Variants in INSC observed in about 807,000 individuals in gnomAD.
The protein encoded by INSC is INSC spindle orientation adaptor protein.
In INSC, 67 loss-of-function variants were observed where a neutral mutation model predicts 58.6. The observed-to-expected ratio is 1.14, with a 90% CI of 0.94 to 1.40. INSC has a LOEUF of 1.40. Among genes scored for constraint, INSC ranks in the 40% most tolerant of loss-of-function variants. The pLI, the probability that INSC is intolerant of heterozygous loss-of-function variation, is 0.00. For missense variants in INSC, 714 were observed against 692.0 expected, an observed-to-expected ratio of 1.03 and a Z score of -0.36; for synonymous variants, 262 against 276.1, an observed-to-expected ratio of 0.95 and a Z score of 0.51.
chr11:15,229,962 A>AATAT (rs1347220887), intron 9 of INSC, among the ~76,000 whole-genome samples: 4 of 28,232 alleles, frequency 1.4e-4, no homozygotes, highest in African/African-American at 6.7e-4. Context: ...ATATATATTT[A>AATAT]TATATATATA....
At chr11:15,179,540 G>A (rs933141069) in intron 5 of INSC, among the ~76,000 whole-genome samples, 7 of 152,174 alleles carry the variant, frequency 4.6e-5, no homozygotes, top group Non-Finnish European at 1.0e-4. Flanking sequence ...TGACTGACAT[G>A]CTGGTCCTGC....
intron 6 of INSC, among the ~76,000 whole-genome samples, chr11:15,191,752 G>A (rs954915442): frequency 7.2e-5 from 11 of 152,118 alleles, no homozygotes; most frequent in Admixed American, 1.3e-4. Flanking sequence ...CCACCAACTC[G>A]GAGGTTTGTT....
At chr11:15,257,029 CTT>C in the INSC span, among the ~76,000 whole-genome samples, 1 of 152,162 alleles carries the variant, frequency 6.6e-6, no homozygotes, top group African/African-American at 2.4e-5. Context: ...TCTTATTTCT[CTT>C]GTTATTTAAT....
chr11:15,225,579 G>T, intron 8 of INSC, 71 bp from the exon 9 acceptor site: 28 of 1,469,762 alleles, frequency 1.9e-5, no homozygotes, highest in Non-Finnish European at 2.6e-5. Context: ...GAGGTATTGT[G>T]TGAACCAAAT....
chr11:15,128,727 G>T (rs1425111185), intron 1 of INSC, among the ~76,000 whole-genome samples: 1 of 152,152 alleles, frequency 6.6e-6, no homozygotes, highest in Non-Finnish European at 1.5e-5. Flanking sequence ...TCTTAGTCTG[G>T]GGTAGCCCTC....
intron 5 of INSC, among the ~76,000 whole-genome samples, chr11:15,180,686 G>GC (rs779831186): frequency 2.5e-4 from 23 of 91,076 alleles, no homozygotes; most frequent in Non-Finnish European, 4.2e-4. Flanking sequence ...TAGGAGTGAG[G>GC]GGGGGGGCGG....
In INSC at chr11:15,188,301, C is replaced by T. The variant is rs1850047013; in HGVS notation, c.580-2400C>T. 6.1e-6 allele frequency: 6 copies of T among 985,342 alleles called. No individual in the cohort carries two copies. In the South Asian group the frequency reaches 2.3e-4, roughly 39 times the overall value. The allele number at this position is 985,342 out of a possible 1,614,324, so 61.0% of individuals were successfully genotyped here. A position where few individuals can be genotyped will look rare whatever the true frequency, so the allele number is the denominator to read the frequency against. ...ACTTGCTAATGAGGCTGGACAACAG[C>T]CTTGCCTTGAGGCTTCAATCTCCAC... On this transcript the variant is annotated intron_variant, in intron 5 of 12. Transcript: ENST00000379556.
chr11:15,205,011 T>C lies in INSC; in HGVS notation c.819+4062T>C, dbSNP rs555960778. Among the ~76,000 whole-genome samples, 77 of 152,302 alleles carry C rather than the reference T, an allele frequency of 5.1e-4. No homozygotes were observed. In the South Asian group the frequency reaches 0.015, roughly 30 times the overall value. On this transcript the variant is annotated intron_variant, in intron 7 of 12. Transcript: ENST00000379556. The stretch of plus-strand genomic sequence containing the variant: ...TGGGTTTGGGGGACTTTTGTGGTCA[T>C]AGATTCAGTCATGGTCTCATTCATT...
chr11:15,112,504 G>A (rs760307862), upstream of INSC: 7 of 1,612,768 alleles, frequency 4.3e-6, no homozygotes, highest in South Asian at 5.5e-5. Context: ...GAGGCGGCCA[G>A]CGAAGGTCCA....
At chr11:15,112,636 GTATTGGGAAGT>G (rs1847595362), upstream of INSC, 1 of 224,498 alleles carries the variant, frequency 4.5e-6, no homozygotes, top group Non-Finnish European at 7.0e-6. Context: ...GTGTGTGTGT[GTATTGGGAAGT>G]GGGGGGGGGG....
intron 7 of INSC, among the ~76,000 whole-genome samples, chr11:15,214,624 A>G (rs1156547669): frequency 6.6e-6 from 1 of 152,210 alleles, no homozygotes; most frequent in East Asian, 1.9e-4. Flanking sequence ...TTTGCTGTAC[A>G]CTTTGGGTTC....
chr11:15,133,479 C>CCTAT (rs1403237847), intron 1 of INSC, among the ~76,000 whole-genome samples: 1 of 152,194 alleles, frequency 6.6e-6, no homozygotes, highest in African/African-American at 2.4e-5. Context: ...AGGCCACAAG[C>CCTAT]CTATCTGAGG....
intron 6 of INSC, among the ~76,000 whole-genome samples, chr11:15,193,165 A>G (rs576004658): frequency 2.6e-4 from 40 of 152,352 alleles, no homozygotes; most frequent in Non-Finnish European, 8.8e-5. Context: ...CCAGAAGCTT[A>G]TGGAATTATT....
Position 15,139,009 on chromosome 11 carries a change from T to C in INSC, c.-45-10121T>C, listed in dbSNP as rs573715946. Among the ~76,000 whole-genome samples the C allele has an allele frequency of 2.6e-5, 4 of 152,346 alleles. No homozygotes were observed. The East Asian group carries it at 7.7e-4, about 29-fold the overall frequency. On this transcript the variant is annotated intron_variant, in intron 1 of 12. Transcript: ENST00000379556. ...AAGATTGGATTATCATGGTTGTTGA[T>C]GCAATGCTGTCATTTGCTCAAGGCT... is the stretch of plus-strand genomic sequence containing the variant.
intron 12 of INSC, chr11:15,241,635 G>A: frequency 1.4e-6 from 1 of 702,820 alleles, no homozygotes; most frequent in Non-Finnish European, 2.6e-6. Context: ...TTTTATTTTG[G>A]CACATTCAAG....
At position 15,230,368 on chromosome 11, in the gene INSC, G is replaced by A. The variant is rs184699375; in HGVS notation, c.1170+4540G>A. 2.0e-4 allele frequency among the ~76,000 whole-genome samples: 30 copies of A among 151,986 alleles called. No individual in the cohort carries two copies. The East Asian group carries it at 3.9e-3, about 20-fold the overall frequency. On this transcript the variant is annotated intron_variant, in intron 9 of 12. Coordinates refer to ENST00000379556, the MANE Select transcript of INSC (RefSeq NM_001042536.3). ...AAGGCAAAGGTGAAGCAGACACATC[G>A]CATGGCAGAAGCAGGAGCAAGAGAG...
intron 6 of INSC, among the ~76,000 whole-genome samples, chr11:15,197,140 TATAA>T (rs1850401473): frequency 6.6e-6 from 1 of 152,218 alleles, no homozygotes; most frequent in African/African-American, 2.4e-5. Context: ...TCAGAAAGAA[TATAA>T]ATAATTTATT....
intron 2 of INSC, among the ~76,000 whole-genome samples, chr11:15,152,176 A>G (rs959747628): frequency 3.3e-5 from 5 of 152,298 alleles, no homozygotes; most frequent in Admixed American, 6.5e-5. Flanking sequence ...TTTAGTGACC[A>G]TCTTTAGGAT....
chr11:15,196,323 TG>T (rs1246721674), intron 6 of INSC, among the ~76,000 whole-genome samples: 1 of 152,242 alleles, frequency 6.6e-6, no homozygotes, highest in African/African-American at 2.4e-5. Flanking sequence ...TCAGTGACCC[TG>T]TTTTACAGGT....
Sources: gnomAD v4.1 joint callset for allele counts (sites outside exome capture counted in the v4.1 genomes callset) on GRCh38, gnomAD v4.1.1 for gene constraint, MANE v1.5 for transcripts, NCBI Gene and HGNC (gene_info 2026-07-23, HGNC 2026-07-21) for gene names.